NOL4L: variants seen among roughly 807,000 people sequenced by gnomAD.
The protein encoded by NOL4L is nucleolar protein 4 like, also known as nucleolar protein 4-like.
In NOL4L, 7 loss-of-function variants were observed where a neutral mutation model predicts 64.5. The observed-to-expected ratio is 0.11, with a 90% confidence interval of 0.06 to 0.20. The LOEUF is 0.20. NOL4L is among the 10% of genes least tolerant of loss of function. NOL4L has a pLI of 1.00. For missense variants in NOL4L, 680 were observed against 967.1 expected, an observed-to-expected ratio of 0.70 and a Z score of 3.94; for synonymous variants, 413 against 401.0, an observed-to-expected ratio of 1.03 and a Z score of -0.36.
intron 1 of NOL4L, among the ~76,000 whole-genome samples, chr20:32,545,143 C>G (rs902446948): frequency 1.3e-5 from 2 of 152,100 alleles, no homozygotes; most frequent in Non-Finnish European, 2.9e-5. Flanking sequence ...CATGGTGGTG[C>G]CTGCCTGTAG....
intron 2 of NOL4L, among the ~76,000 whole-genome samples, chr20:32,526,701 A>T (rs996333322): frequency 3.3e-5 from 5 of 152,150 alleles, no homozygotes; most frequent in Non-Finnish European, 5.9e-5. Flanking sequence ...GGCTGACTGC[A>T]ACTCAGCTGC....
intron 3 of NOL4L, chr20:32,519,480 TCAG>T: frequency 9.2e-6 from 1 of 108,488 alleles, no homozygotes. Flanking sequence ...GGGCCTGACT[TCAG>T]CAACTTCCAC....
chr20:32,557,045 G>A (rs1978700258), intron 1 of NOL4L, among the ~76,000 whole-genome samples: 1 of 152,116 alleles, frequency 6.6e-6, no homozygotes, highest in South Asian at 2.1e-4. Context: ...GTCTCCTTAG[G>A]ACTTTTCTGC....
chr20:32,509,941 C>T (rs1477533221), intron 4 of NOL4L: 13 of 1,304,010 alleles, frequency 1.0e-5, no homozygotes, highest in Non-Finnish European at 1.3e-5. Flanking sequence ...GTGAGGATGG[C>T]TACAGGAAAG....
At chr20:32,488,430 G>A (rs2016188983) in intron 4 of NOL4L, among the ~76,000 whole-genome samples, 2 of 152,180 alleles carry the variant, frequency 1.3e-5, no homozygotes, top group Admixed American at 1.3e-4. Flanking sequence ...TTCCCCAGAG[G>A]GAGTACTTGG....
intron 1 of NOL4L, among the ~76,000 whole-genome samples, chr20:32,546,299 A>T (rs1408328027): frequency 6.6e-6 from 1 of 151,618 alleles, no homozygotes; most frequent in East Asian, 1.9e-4. Flanking sequence ...CTCAGGCTGG[A>T]GTGCAATGGC....
chr20:32,551,013 G>T (rs888488460), intron 1 of NOL4L, among the ~76,000 whole-genome samples: 3 of 151,886 alleles, frequency 2.0e-5, no homozygotes, highest in African/African-American at 7.3e-5. Context: ...ACCAGATTGT[G>T]CCACTGCACT....
chr20:32,569,848 G>A (rs1432458206), intron 1 of NOL4L, among the ~76,000 whole-genome samples: 1 of 152,214 alleles, frequency 6.6e-6, no homozygotes, highest in Non-Finnish European at 1.5e-5. Flanking sequence ...AATCTTTATG[G>A]AATGAATGAC....
chr20:32,473,463 A>G (rs1272954040), intron 5 of NOL4L, among the ~76,000 whole-genome samples: 1 of 152,158 alleles, frequency 6.6e-6, no homozygotes, highest in Non-Finnish European at 1.5e-5. Context: ...CATCAAGCAC[A>G]AAAGCCTTTT....
intron 1 of NOL4L, among the ~76,000 whole-genome samples, chr20:32,560,672 G>A (rs904467894): frequency 6.6e-6 from 1 of 152,248 alleles, no homozygotes; most frequent in African/African-American, 2.4e-5. Flanking sequence ...AGGCTGGCAA[G>A]GTGGGGCAAT....
chr20:32,527,168 C>T (rs536025289), intron 2 of NOL4L, among the ~76,000 whole-genome samples: 1 of 152,276 alleles, frequency 6.6e-6, no homozygotes, highest in African/African-American at 2.4e-5. Context: ...TCTCTCAAAG[C>T]GAGCCTTGGA....
At chr20:32,537,216 G>T in intron 1 of NOL4L, 2 of 651,694 alleles carry the variant, frequency 3.1e-6, no homozygotes, top group Non-Finnish European at 1.9e-6. Context: ...TGCCTCTGCT[G>T]CTCCCCGCCC....
intron 1 of NOL4L, among the ~76,000 whole-genome samples, chr20:32,574,895 A>G (rs1979995813): frequency 6.6e-6 from 1 of 151,412 alleles, no homozygotes; most frequent in Non-Finnish European, 1.5e-5. Flanking sequence ...CCAGATCTGC[A>G]CCCCGGTTTC....
chr20:32,541,907 T>C (rs763541877), intron 1 of NOL4L, among the ~76,000 whole-genome samples: 2 of 152,266 alleles, frequency 1.3e-5, no homozygotes, highest in Non-Finnish European at 2.9e-5. Context: ...GGTGGCCTGT[T>C]TGAGGCAGGC....
rs1265718798 is a variant in NOL4L at position 32,548,747 on chromosome 20, A to G, written c.322-20834T>C. Reference sequence around the variant, plus strand: ...TCAACTCCTTGGTATAAACTCGCCCATGCTTGAAATGGCCATCCATATTCA... The same window carrying G: ...TCAACTCCTTGGTATAAACTCGCCCGTGCTTGAAATGGCCATCCATATTCA... On this transcript the variant is annotated intron_variant, in intron 1 of 10. Coordinates refer to ENST00000621426, the MANE Select transcript of NOL4L (RefSeq NM_001256798.2). The G allele has an allele frequency of 7.2e-6, 3 of 414,250 alleles. No homozygotes were observed. The Admixed American group carries it at 8.7e-5, about 12-fold the overall frequency. The allele number at this position is 414,250 out of a possible 1,614,324, so 25.7% of individuals were successfully genotyped here.
chr20:32,476,900 A>G (rs1374925293), intron 4 of NOL4L, among the ~76,000 whole-genome samples: 1 of 152,254 alleles, frequency 6.6e-6, no homozygotes, highest in East Asian at 1.9e-4. Context: ...AGGGGAGCCC[A>G]TGAGGTCTGT....
intron 4 of NOL4L, among the ~76,000 whole-genome samples, chr20:32,494,340 A>C (rs1207933751): frequency 6.9e-6 from 1 of 144,654 alleles, no homozygotes; most frequent in Non-Finnish European, 1.5e-5. Context: ...GCCGAGCCTC[A>C]GTTTCCCTGT....
intron 1 of NOL4L, among the ~76,000 whole-genome samples, chr20:32,534,552 C>G (rs2018449012): frequency 6.6e-6 from 1 of 152,208 alleles, no homozygotes; most frequent in East Asian, 1.9e-4. Flanking sequence ...CAAAACCCAG[C>G]CTTAATAAAT....
At chr20:32,461,011 G>A (rs2013988035) in intron 5 of NOL4L, among the ~76,000 whole-genome samples, 1 of 152,230 alleles carries the variant, frequency 6.6e-6, no homozygotes, top group Admixed American at 6.5e-5. Context: ...ACCGGCTGTG[G>A]GCCACGGCTC....
Sources: allele counts gnomAD v4.1 joint callset (sites outside exome capture counted in the v4.1 genomes callset), GRCh38; gene constraint gnomAD v4.1.1; transcripts MANE v1.5; gene names NCBI Gene and HGNC (gene_info 2026-07-23, HGNC 2026-07-21).